Variants in VIT observed in about 807,000 individuals in gnomAD.
VIT encodes vitrin.
Under a neutral mutation model 78.0 loss-of-function variants are expected in VIT, and 99 were observed. The observed-to-expected ratio is 1.27, with a 90% CI of 1.08 to 1.50. VIT has a LOEUF of 1.50. VIT is among the 40% of genes most tolerant of loss of function. The pLI is 0.00. For missense variants in VIT, 1,126 were observed against 875.3 expected (o/e 1.29, Z -3.61); for synonymous variants, 374 against 334.3 (o/e 1.12, Z -1.29).
chr2:36,743,205 G>T lies in VIT; in HGVS notation c.224G>T (p.Gly75Val). 1.2e-6 allele frequency: 2 copies of T among 1,614,060 alleles called. No homozygotes were observed. Among genetic ancestry groups the T allele is most frequent in the South Asian group, 2.2e-5 (2 of 91,072 alleles). The stretch of plus-strand genomic sequence containing the variant: ...CAAGACCCCAAATACCATGTTTATG[G>T]CACTGACGTGTATGCATCCTACTCC... The part of the protein sequence containing the change: ...GCQDPKYHVY[G>V]TDVYASYSSV... The change falls in exon 4 of 16, where the codon GGC becomes GTC. Residue 75 changes from glycine to valine, a missense_variant. Transcript: ENST00000379242.
chr2:36,784,644 A>G (rs17019724), intron 11 of VIT, among the ~76,000 whole-genome samples: 2,356 of 152,368 alleles, frequency 0.015, 60 homozygotes, highest in African/African-American at 0.054. Context: ...ACCATGTTGA[A>G]GGAAACTACA....
At chr2:36,716,055 T>C (rs572475205) in intron 1 of VIT, among the ~76,000 whole-genome samples, 30 of 152,344 alleles carry the variant, frequency 2.0e-4, no homozygotes, top group African/African-American at 6.5e-4. Flanking sequence ...AGAAGACTAC[T>C]TGGACATATT....
chr2:36,751,906 G>A (rs967787153), intron 4 of VIT, among the ~76,000 whole-genome samples: 1 of 152,116 alleles, frequency 6.6e-6, no homozygotes, highest in Non-Finnish European at 1.5e-5. Context: ...TATCTGTTTT[G>A]TTTTTCACAA....
intron 7 of VIT, among the ~76,000 whole-genome samples, chr2:36,770,557 G>T (rs1669684788): frequency 6.6e-6 from 1 of 152,192 alleles, no homozygotes; most frequent in South Asian, 2.1e-4. Context: ...GGGGGTAAGG[G>T]AGCCGAAAGC....
intron 3 of VIT, among the ~76,000 whole-genome samples, chr2:36,742,131 A>G (rs542396871): frequency 6.6e-6 from 1 of 152,298 alleles, no homozygotes; most frequent in Non-Finnish European, 1.5e-5. Flanking sequence ...TCCCAGATCA[A>G]AAGGCACCAG....
Position 36,801,326 on chromosome 2 carries a change from C to G in VIT, c.1084C>G (p.Leu362Val), listed in dbSNP as rs755966016. The G allele has an allele frequency of 6.2e-7, 1 of 1,614,094 alleles. No homozygotes were observed. The highest frequency in any genetic ancestry group is 1.1e-5 in the South Asian group (1 of 91,068). The part of the protein sequence containing the change: ...YGDNPATHFN[L>V]KTHTNSRDLK... ...AGACAACCCTGCTACTCACTTTAAC[C>G]TCAAGACACACACGAATTCTCGAGA... Residue 362 changes from leucine (L) to valine (V), a missense_variant, in exon 13 of 16, where the codon CTC becomes GTC. Coordinates refer to ENST00000379242, the MANE Select transcript of VIT (RefSeq NM_053276.4).
chr2:36,805,696 C>T lies in VIT; in HGVS notation c.1389+32C>T, dbSNP rs776144371. ...GACTGCCCGGAGACCTACCCAACAT[C>T]AGGATTTTCTGCACTCTGAAAAATT... On this transcript the variant is annotated intron_variant, in intron 14 of 15. Transcript: ENST00000379242. 14 of 1,593,506 alleles carry T rather than the reference C, an allele frequency of 8.8e-6. 1 individual carries two copies. The South Asian group carries it at 1.6e-4, about 18-fold the overall frequency.
chr2:36,759,381 A>C (rs754029533), intron 6 of VIT: 7 of 1,380,714 alleles, frequency 5.1e-6, no homozygotes, highest in South Asian at 1.6e-5. Flanking sequence ...CTGGCAGCTA[A>C]AAGGAAAAAG....
intron 6 of VIT, among the ~76,000 whole-genome samples, chr2:36,764,904 C>G (rs562410297): frequency 7.2e-5 from 11 of 152,066 alleles, no homozygotes; most frequent in African/African-American, 2.7e-4. Context: ...ATGGTTCCCA[C>G]CAAGACAGAA....
intron 5 of VIT, among the ~76,000 whole-genome samples, chr2:36,756,308 T>C (rs1668763728): frequency 6.6e-6 from 1 of 152,126 alleles, no homozygotes; most frequent in African/African-American, 2.4e-5. Context: ...AACCTGAATC[T>C]CCCATTTTCT....
At chr2:36,745,515 G>A (rs995320115) in intron 4 of VIT, among the ~76,000 whole-genome samples, 1 of 152,000 alleles carries the variant, frequency 6.6e-6, no homozygotes, top group African/African-American at 2.4e-5. Flanking sequence ...TTCTCCTTGT[G>A]GAGATCTTTC....
At chr2:36,814,088 G>T in intron 15 of VIT, 95 bp from the exon 16 acceptor site, 2 of 1,459,582 alleles carry the variant, frequency 1.4e-6, no homozygotes, top group Admixed American at 2.2e-5. Flanking sequence ...TCTGATTTTG[G>T]ATTTGGCTGT....
chr2:36,735,203 G>T (rs1316750816), intron 3 of VIT, among the ~76,000 whole-genome samples: 1 of 151,956 alleles, frequency 6.6e-6, no homozygotes, highest in African/African-American at 2.4e-5. Flanking sequence ...AAATAATCTG[G>T]CATGGGGGTC....
chr2:36,723,550 T>A (rs1213298363), intron 2 of VIT, among the ~76,000 whole-genome samples: 1 of 152,192 alleles, frequency 6.6e-6, no homozygotes, highest in East Asian at 1.9e-4. Context: ...ATTTTTAACA[T>A]TAAAAAGATT....
chr2:36,791,995 A>G (rs769378367), intron 12 of VIT, among the ~76,000 whole-genome samples: 52 of 152,030 alleles, frequency 3.4e-4, no homozygotes, highest in Non-Finnish European at 6.3e-4. Context: ...GGGGGCTGGC[A>G]GAGGTGAATT....
At chr2:36,765,233 T>C (rs1231588779) in intron 6 of VIT, among the ~76,000 whole-genome samples, 1 of 152,084 alleles carries the variant, frequency 6.6e-6, no homozygotes, top group Non-Finnish European at 1.5e-5. Context: ...TTATTTCACA[T>C]CCATAGAGGA....
intron 1 of VIT, among the ~76,000 whole-genome samples, chr2:36,704,733 A>T (rs1018033852): frequency 9.2e-5 from 14 of 152,032 alleles, no homozygotes; most frequent in African/African-American, 3.4e-4. Context: ...GGGATTCAAG[A>T]ATGTGCTTCT....
Position 36,808,958 on chromosome 2 carries a change from A to G in VIT, c.1876A>G (p.Ile626Val). Reference sequence around the variant, plus strand: ...CGGGAGGTCCTACGACGACGTCCGGATCCCAGCCATGGCTGCCCATCTGAA... The same window carrying G: ...CGGGAGGTCCTACGACGACGTCCGGGTCCCAGCCATGGCTGCCCATCTGAA... ...TDGRSYDDVR[I>V]PAMAAHLKGV... Residue 626 changes from isoleucine to valine, a missense_variant, in exon 15 of 16, where the codon ATC becomes GTC. Coordinates refer to ENST00000379242, the MANE Select transcript of VIT (RefSeq NM_053276.4). The G allele has an allele frequency of 6.3e-7, 1 of 1,597,614 alleles. No individual in the cohort carries two copies.
chr2:36,741,257 T>G (rs1216978970), intron 3 of VIT, among the ~76,000 whole-genome samples: 3 of 152,164 alleles, frequency 2.0e-5, no homozygotes, highest in African/African-American at 7.2e-5. Flanking sequence ...CTCATAATAG[T>G]AAATGCAGCC....
Sources: allele counts gnomAD v4.1 joint callset (sites outside exome capture counted in the v4.1 genomes callset), GRCh38; gene constraint gnomAD v4.1.1; transcripts MANE v1.5; gene names NCBI Gene and HGNC (gene_info 2026-07-23, HGNC 2026-07-21).